CNNM2: variants seen among roughly 807,000 people sequenced by gnomAD.
CNNM2 encodes metal transporter CNNM2.
In CNNM2, 12 loss-of-function variants were observed where a neutral mutation model predicts 66.9. The ratio of observed to expected loss-of-function variants is 0.18; its 90% CI spans 0.11 to 0.29. The LOEUF (loss-of-function observed/expected upper bound fraction) is 0.29. Among genes scored for constraint, CNNM2 ranks in the 10% least tolerant of loss-of-function variants. The pLI, the probability that CNNM2 is intolerant of heterozygous loss-of-function variation, is 1.00. For missense variants in CNNM2, 705 were observed against 1,167.7 expected (o/e 0.60, Z 5.77); for synonymous variants, 557 against 501.8 (o/e 1.11, Z -1.47).
chr10:102,973,294 T>C (rs1590332825), intron 1 of CNNM2, among the ~76,000 whole-genome samples: 2 of 152,104 alleles, frequency 1.3e-5, no homozygotes, highest in African/African-American at 4.8e-5. Context: ...TTTTTTTTTT[T>C]GAGCTAGGGT....
chr10:102,950,405 A>G lies in CNNM2; in HGVS notation c.1621+30304A>G, dbSNP rs555097778. ...TACCATATTTTTCAACTGTGCATGTATTTTTTAATATGTAGTTATTTAGTA... is the reference window on the plus strand; with the variant it reads ...TACCATATTTTTCAACTGTGCATGTGTTTTTTAATATGTAGTTATTTAGTA... On this transcript the variant is annotated intron_variant, in intron 1 of 7. Transcript: ENST00000369878. 2.0e-4 allele frequency among the ~76,000 whole-genome samples: 30 copies of G among 152,244 alleles called. No homozygotes were observed. The South Asian group carries it at 6.0e-3, about 30-fold the overall frequency.
chr10:102,939,509 C>A (rs976831577), intron 1 of CNNM2, among the ~76,000 whole-genome samples: 1 of 152,124 alleles, frequency 6.6e-6, no homozygotes, highest in Non-Finnish European at 1.5e-5. Context: ...CAGGTTGGCT[C>A]CTGCTGTTTC....
chr10:102,990,557 G>A (rs774403487), intron 1 of CNNM2, among the ~76,000 whole-genome samples: 2 of 152,078 alleles, frequency 1.3e-5, no homozygotes, highest in South Asian at 2.1e-4. Flanking sequence ...TTAAGTAGGA[G>A]AATTCTAACT....
chr10:102,949,746 C>T (rs186351025), intron 1 of CNNM2, among the ~76,000 whole-genome samples: 5 of 151,952 alleles, frequency 3.3e-5, no homozygotes, highest in Admixed American at 1.3e-4. Context: ...GCCGAGATTG[C>T]GCCACTGTAC....
chr10:103,033,274 C>T (rs181173890), intron 1 of CNNM2, among the ~76,000 whole-genome samples: 22 of 152,106 alleles, frequency 1.4e-4, no homozygotes, highest in African/African-American at 4.6e-4. Context: ...CTGCAACCTC[C>T]GCCTCCCAGG....
chr10:103,022,306 T>C lies in CNNM2; in HGVS notation c.1622-27401T>C, dbSNP rs192680442. Among the ~76,000 whole-genome samples, 178 of 152,344 alleles carry C rather than the reference T, an allele frequency of 1.2e-3. 2 individuals carry two copies. Among genetic ancestry groups the C allele is most frequent in the Admixed American group, 3.3e-3 (50 of 15,302 alleles). On this transcript the variant is annotated intron_variant, in intron 1 of 7. Coordinates refer to ENST00000369878, the MANE Select transcript of CNNM2 (RefSeq NM_017649.5). ...ATTGTGCTGAGTATTTTATATGTAATTTATTTAATCTTCAAAGCAGCTCTT... is the reference window on the plus strand; with the variant it reads ...ATTGTGCTGAGTATTTTATATGTAACTTATTTAATCTTCAAAGCAGCTCTT...
intron 1 of CNNM2, among the ~76,000 whole-genome samples, chr10:103,008,857 A>T (rs1276981954): frequency 6.6e-6 from 1 of 151,884 alleles, no homozygotes; most frequent in Non-Finnish European, 1.5e-5. Flanking sequence ...ATTCCCAAGC[A>T]TTTGTAAAAC....
intron 2 of CNNM2, among the ~76,000 whole-genome samples, chr10:103,052,664 C>T (rs909076721): frequency 1.3e-5 from 2 of 152,084 alleles, no homozygotes; most frequent in African/African-American, 4.8e-5. Context: ...CAGGCACCCG[C>T]CATCACACCT....
At chr10:103,068,242 G>A (rs891648191) in intron 4 of CNNM2, among the ~76,000 whole-genome samples, 4 of 152,202 alleles carry the variant, frequency 2.6e-5, no homozygotes, top group Non-Finnish European at 5.9e-5. Context: ...AGTGATTCAC[G>A]CCTGTAATCC....
chr10:102,956,130 A>G (rs1204504967), intron 1 of CNNM2, among the ~76,000 whole-genome samples: 2 of 152,084 alleles, frequency 1.3e-5, no homozygotes, highest in Admixed American at 1.3e-4. Flanking sequence ...TACTAAAAAT[A>G]GAAAAAAATT....
chr10:103,076,103 C>A lies in CNNM2; in HGVS notation c.2251C>A (p.Pro751Thr). 6.2e-7 allele frequency: 1 copy of A among 1,611,870 alleles called. No individual in the cohort carries two copies. Among genetic ancestry groups the A allele is most frequent in the Non-Finnish European group, 8.5e-7 (1 of 1,178,786 alleles). ...AGSPGENKSP[P>T]RPCGLNHSDS... ...TTTTCCAGGTGAAAATAAGTCCCCTCCTCGCCCATGTGGCTTGAATCACTC... is the reference window on the plus strand; with the variant it reads ...TTTTCCAGGTGAAAATAAGTCCCCTACTCGCCCATGTGGCTTGAATCACTC... The change falls in exon 7 of 8, where the codon CCT becomes ACT. Residue 751 changes from proline (P) to threonine (T), a missense_variant. Transcript: ENST00000369878.
intron 1 of CNNM2, among the ~76,000 whole-genome samples, chr10:103,026,221 G>A (rs1303006905): frequency 6.6e-6 from 1 of 152,212 alleles, no homozygotes; most frequent in Non-Finnish European, 1.5e-5. Context: ...GACTGAGACA[G>A]TGTCCGTAGA....
chr10:102,921,016 G>A (rs142417576), intron 1 of CNNM2: 18 of 884,256 alleles, frequency 2.0e-5, no homozygotes, highest in African/African-American at 1.1e-4. Flanking sequence ...TTGATCATCC[G>A]ATACATTAAG....
At chr10:102,960,361 A>G (rs1035808847) in intron 1 of CNNM2, among the ~76,000 whole-genome samples, 3 of 152,196 alleles carry the variant, frequency 2.0e-5, no homozygotes, top group Non-Finnish European at 4.4e-5. Flanking sequence ...AAAGGACAGT[A>G]TTGTGAAATC....
rs1253168085 is a variant in CNNM2, at chr10:103,077,097, G to A, written c.2545G>A (p.Glu849Lys). 9 of 1,613,986 alleles carry A rather than the reference G, an allele frequency of 5.6e-6. No homozygotes were observed. The highest frequency in any genetic ancestry group is 1.7e-5 in the Admixed American group (1 of 60,034). Residue 849 changes from glutamate to lysine, a missense_variant, in exon 8 of 8, where the codon GAG becomes AAG. Glu to Lys is a moderately conservative substitution (Grantham distance 56). Coordinates refer to ENST00000369878, the MANE Select transcript of CNNM2 (RefSeq NM_017649.5). ...LTELHDGLPD[E>K]TANLLNEQNC... is the part of the protein sequence containing the mutation. ...GGAGCTGCATGACGGGTTGCCAGAC[G>A]AGACAGCCAACCTGCTCAACGAACA...
chr10:103,027,550 GA>G (rs2064730678), intron 1 of CNNM2: 1 of 152,200 alleles, frequency 6.6e-6, no homozygotes, highest in African/African-American at 2.4e-5. Flanking sequence ...ACAATTTGTA[GA>G]GTTGCTATAT....
intron 1 of CNNM2, among the ~76,000 whole-genome samples, chr10:102,971,758 A>G (rs2063550251): frequency 6.6e-6 from 1 of 152,130 alleles, no homozygotes; most frequent in South Asian, 2.1e-4. Context: ...GTTTTTGCTT[A>G]TGTAAGTAAT....
chr10:103,017,557 T>G (rs2064478054), intron 1 of CNNM2, among the ~76,000 whole-genome samples: 1 of 151,828 alleles, frequency 6.6e-6, no homozygotes, highest in Non-Finnish European at 1.5e-5. Context: ...CTGAATGAAG[T>G]GGGGGATAAT....
At chr10:102,936,232 A>G (rs1846236070) in intron 1 of CNNM2, among the ~76,000 whole-genome samples, 1 of 152,274 alleles carries the variant, frequency 6.6e-6, no homozygotes, top group South Asian at 2.1e-4. Context: ...GAATCATTCA[A>G]GAGATGGAAA....
Sources: allele counts gnomAD v4.1 joint callset (sites outside exome capture counted in the v4.1 genomes callset), GRCh38; gene constraint gnomAD v4.1.1; transcripts MANE v1.5; gene names NCBI Gene and HGNC (gene_info 2026-07-23, HGNC 2026-07-21).